Variants in FBXW8 observed in about 807,000 individuals in gnomAD.
FBXW8 encodes F-box/WD repeat-containing protein 8.
A neutral mutation model predicts 65.3 loss-of-function variants in FBXW8; 57 were observed. The ratio of observed to expected loss-of-function variants is 0.87; its 90% confidence interval spans 0.71 to 1.09. The LOEUF is 1.09. Ranked by LOEUF, FBXW8 falls within the 50% of genes least tolerant of loss-of-function variation. FBXW8 has a pLI of 0.00. For synonymous variants in FBXW8, 308 were observed against 330.2 expected (o/e 0.93, Z 0.73); for missense variants, 777 against 814.8 (o/e 0.95, Z 0.57).
intron 2 of FBXW8, among the ~76,000 whole-genome samples, chr12:116,940,399 T>G (rs1429240180): frequency 4.3e-5 from 6 of 139,004 alleles, no homozygotes; most frequent in Admixed American, 7.4e-5. Context: ...TGCTGGGGGG[T>G]GGGGCAGACG....
At chr12:116,925,132 T>C (rs1881219287) in intron 1 of FBXW8, among the ~76,000 whole-genome samples, 1 of 151,898 alleles carries the variant, frequency 6.6e-6, no homozygotes, top group African/African-American at 2.4e-5. Context: ...GAGATTTGCA[T>C]GTAGGTGGTT....
chr12:116,985,332 A>G lies in FBXW8; in HGVS notation c.962A>G (p.Asp321Gly). ...ACCGTGGCCACAGCTTCTGCTTTTG[A>G]TGTCGTGATGTTATCCCCCAATGAG... is the stretch of plus-strand genomic sequence containing the variant. ...DATVATASAF[D>G]VVMLSPNEEG... The change falls in exon 6 of 11, where the codon GAT (aspartate) becomes GGT (glycine). Residue 321 changes from aspartate to glycine, a missense_variant. Physicochemically the swap from Asp to Gly is moderately conservative, Grantham distance 94. Transcript: ENST00000652555. 6.2e-7 allele frequency: 1 copy of G among 1,614,208 alleles called. No individual in the cohort carries two copies. The highest frequency in any genetic ancestry group is 2.2e-5 in the East Asian group (1 of 44,892).
At chr12:116,934,557 C>T (rs1352522666) in intron 2 of FBXW8, among the ~76,000 whole-genome samples, 2 of 152,084 alleles carry the variant, frequency 1.3e-5, no homozygotes, top group Non-Finnish European at 2.9e-5. Context: ...GTAAGTCTGC[C>T]ATTATATTAC....
chr12:116,931,835 C>T (rs1232267111), intron 2 of FBXW8, among the ~76,000 whole-genome samples: 2 of 151,720 alleles, frequency 1.3e-5, no homozygotes, highest in Non-Finnish European at 2.9e-5. Flanking sequence ...GCTTGGATGC[C>T]TTTTATTTCT....
intron 6 of FBXW8, chr12:116,987,156 G>A (rs1885752238): frequency 6.6e-6 from 1 of 152,280 alleles, no homozygotes; most frequent in Non-Finnish European, 1.5e-5. Context: ...CTTTGTGATG[G>A]ACCCGCAGCT....
Position 116,988,643 on chromosome 12 carries a change from C to T in FBXW8, c.1033-20C>T, listed in dbSNP as rs747611900. On this transcript the variant is annotated intron_variant, in intron 6 of 10. Transcript: ENST00000652555. ...GTCAGGATGAATTTATGGGACTAAA[C>T]AACTCTTACCTTTTAACAGGTTCAG... 1 of 1,611,600 alleles carries T rather than the reference C, an allele frequency of 6.2e-7. No homozygotes were observed. The highest frequency in any genetic ancestry group is 8.5e-7 in the Non-Finnish European group (1 of 1,177,866).
At chr12:116,976,248 G>A (rs932937991) in intron 5 of FBXW8, among the ~76,000 whole-genome samples, 11 of 152,052 alleles carry the variant, frequency 7.2e-5, no homozygotes, top group African/African-American at 2.7e-4. Flanking sequence ...CTGTCTGGCT[G>A]ACTTGGAGGC....
At chr12:116,913,318 C>T (rs1880146277) in intron 1 of FBXW8, among the ~76,000 whole-genome samples, 1 of 152,158 alleles carries the variant, frequency 6.6e-6, no homozygotes. Context: ...GTACAGTTGA[C>T]CTTTGAACAA....
chr12:116,988,777 G>C lies in FBXW8; in HGVS notation c.1147G>C (p.Ala383Pro). 1 of 1,614,084 alleles carries C rather than the reference G, an allele frequency of 6.2e-7. No individual in the cohort carries two copies. The highest frequency in any genetic ancestry group is 1.6e-4 in the Middle Eastern group (1 of 6,062). Residue 383 changes from alanine to proline, a missense_variant, in exon 7 of 11, where the codon GCC (alanine) becomes CCC (proline). Ala to Pro is a conservative substitution (Grantham distance 27, BLOSUM62 -1). Coordinates refer to ENST00000652555, the MANE Select transcript of FBXW8 (RefSeq NM_153348.3). The stretch of plus-strand genomic sequence containing the variant: ...AGACTCCGCCAGAACCCTCCTTTAC[G>C]CCCACGGCCCGCCTGTCACATGTCT... Reference protein sequence around the residue: ...AEDSARTLLYAHGPPVTCLDV... With the variant: ...AEDSARTLLYPHGPPVTCLDV...
intron 7 of FBXW8, among the ~76,000 whole-genome samples, chr12:117,003,945 T>C (rs1465852018): frequency 1.3e-5 from 2 of 152,196 alleles, no homozygotes; most frequent in Non-Finnish European, 2.9e-5. Flanking sequence ...GTCTGGGATT[T>C]CTTGTGTGTC....
At chr12:116,926,046 G>A (rs142325567) in intron 1 of FBXW8, among the ~76,000 whole-genome samples, 4 of 152,288 alleles carry the variant, frequency 2.6e-5, no homozygotes, top group Non-Finnish European at 5.9e-5. Context: ...TGGAGGCCAG[G>A]CCAGCTGAGT....
chr12:116,947,033 G>A (rs1330151090), intron 3 of FBXW8, among the ~76,000 whole-genome samples: 4 of 152,114 alleles, frequency 2.6e-5, no homozygotes, highest in Non-Finnish European at 5.9e-5. Flanking sequence ...CAGCAGCTGT[G>A]TTTTTTGCTT....
At chr12:117,008,545 T>C (rs2135706837) in intron 7 of FBXW8, among the ~76,000 whole-genome samples, 1 of 152,272 alleles carries the variant, frequency 6.6e-6, no homozygotes, top group East Asian at 1.9e-4. Context: ...TCCTTCCAGA[T>C]GCTGTTAGCA....
At chr12:117,005,475 G>A (rs1381037097) in intron 7 of FBXW8, among the ~76,000 whole-genome samples, 3 of 152,228 alleles carry the variant, frequency 2.0e-5, no homozygotes, top group Admixed American at 6.5e-5. Flanking sequence ...ACAACGTGTA[G>A]TGTGATGCGG....
chr12:116,935,688 T>C (rs1483259072), intron 2 of FBXW8, among the ~76,000 whole-genome samples: 6 of 152,220 alleles, frequency 3.9e-5, no homozygotes, highest in African/African-American at 7.2e-5. Context: ...AACATTGAGC[T>C]AAGTGGTGGG....
At chr12:117,020,753 T>TC (rs1170523095) in intron 8 of FBXW8, among the ~76,000 whole-genome samples, 1 of 152,196 alleles carries the variant, frequency 6.6e-6, no homozygotes, top group Non-Finnish European at 1.5e-5. Context: ...GCCAGCAGCC[T>TC]CCCCTCCCCT....
At chr12:116,962,594 T>C (rs527396109) in intron 4 of FBXW8, among the ~76,000 whole-genome samples, 113 of 152,316 alleles carry the variant, frequency 7.4e-4, no homozygotes, top group African/African-American at 2.5e-3. Flanking sequence ...GTTTCCTAGT[T>C]TATGTACTTC....
At chr12:116,974,385 G>A (rs901911409) in intron 5 of FBXW8, among the ~76,000 whole-genome samples, 3 of 152,290 alleles carry the variant, frequency 2.0e-5, no homozygotes, top group East Asian at 1.9e-4. Flanking sequence ...AAAAGACCTC[G>A]TAATACATGG....
chr12:116,950,742 G>A (rs1311911818), intron 4 of FBXW8: 1 of 152,204 alleles, frequency 6.6e-6, no homozygotes, highest in African/African-American at 2.4e-5. Context: ...GAGTGCTGCA[G>A]AACTAGTTTT....
Sources: gnomAD v4.1 joint callset for allele counts (sites outside exome capture counted in the v4.1 genomes callset) on GRCh38, gnomAD v4.1.1 for gene constraint, MANE v1.5 for transcripts, NCBI Gene and HGNC (gene_info 2026-07-23, HGNC 2026-07-21) for gene names.